The following OGFOD3 variants were observed in gnomAD, a reference collection of about 807,000 sequenced individuals.
OGFOD3 encodes the protein 2-oxoglutarate and iron-dependent oxygenase domain-containing protein 3.
OGFOD3 carries 35 observed loss-of-function variants against 39.8 expected under a neutral mutation model. The observed-to-expected ratio is 0.88, with a 90% CI of 0.67 to 1.17. The LOEUF (loss-of-function observed/expected upper bound fraction) is 1.17. Ranked by LOEUF, OGFOD3 falls within the 50% of genes most tolerant of loss-of-function variation. The probability of loss-of-function intolerance (pLI) is 0.00; values close to 1 mark genes in which losing one functional copy is unlikely to be tolerated. For missense variants in OGFOD3, 438 were observed against 454.5 expected (o/e 0.96, Z 0.33); for synonymous variants, 200 against 192.0 (o/e 1.04, Z -0.34).
Position 82,404,442 on chromosome 17 carries a change from G to T in OGFOD3, c.546-352C>A, listed in dbSNP as rs921954832. 6.6e-6 allele frequency among the ~76,000 whole-genome samples: 1 copy of T among 152,198 alleles called. No homozygotes were observed. Among genetic ancestry groups the T allele is most frequent in the Non-Finnish European group, 1.5e-5 (1 of 68,028 alleles). ...GGAGCCCAGCCTCCTATTCAGCAACGAAGAGGCTGCTGTCCCCCAACGTGA... is the reference window on the plus strand; with the variant it reads ...GGAGCCCAGCCTCCTATTCAGCAACTAAGAGGCTGCTGTCCCCCAACGTGA... On this transcript the variant is annotated intron_variant, in intron 6 of 8. Transcript: ENST00000313056. The surrounding 1 kb of genome is among the most constrained non-coding windows in gnomAD (Gnocchi z 4.5).
Position 82,406,838 on chromosome 17 carries a change from G to C in OGFOD3, c.424-356C>G, listed in dbSNP as rs971397610. On this transcript the variant is annotated intron_variant, in intron 4 of 8. Transcript: ENST00000313056. The surrounding 1 kb of genome is among the most constrained non-coding windows in gnomAD (Gnocchi z 5.2). ...GCTGGTCTCGAACTCCGGGGCTCAA[G>C]TGATCCTCCCACCTCAGCCTCCCAA... Among the ~76,000 whole-genome samples the C allele has an allele frequency of 3.3e-5, 5 of 152,244 alleles. No homozygotes were observed. Among genetic ancestry groups the C allele is most frequent in the African/African-American group, 1.2e-4 (5 of 41,560 alleles).
rs1371000426 is a variant in OGFOD3 at position 82,418,392 on chromosome 17, C to A, written c.74+20G>T. On this transcript the variant is annotated intron_variant, in intron 1 of 8. Transcript: ENST00000313056. ...CCTGTCCGCCGCCGCAGCGCGCGCC[C>A]TTCCCCTCCTCACCGCTACCTGCTC... 1 of 1,470,414 alleles carries A rather than the reference C, an allele frequency of 6.8e-7. No homozygotes were observed. Among genetic ancestry groups the A allele is most frequent in the South Asian group, 1.3e-5 (1 of 79,016 alleles). 91.1% of individuals were successfully genotyped at this position (1,470,414 alleles called of 1,614,324 possible).
At chr17:82,416,951 A>C (rs1019041995) in intron 1 of OGFOD3, among the ~76,000 whole-genome samples, 1 of 152,226 alleles carries the variant, frequency 6.6e-6, no homozygotes, top group Admixed American at 6.5e-5. Context: ...CTGCAATTAC[A>C]GGCAAGCACC....
In OGFOD3 at chr17:82,415,327, AC is replaced by A; in HGVS notation, c.304+70del. On this transcript the variant is annotated intron_variant, in intron 2 of 8. Transcript: ENST00000313056. This position sits in a 1 kb window ranked among gnomAD's most constrained non-coding sequence, Gnocchi z 5.3. ...GCATACCACATCCAACCCAATTCCC[AC>A]CCCTTCGTCGCAGCCAATGTCCTTT... 1 of 1,458,018 alleles carries A rather than the reference AC, an allele frequency of 6.9e-7. No individual in the cohort carries two copies. Among genetic ancestry groups the A allele is most frequent in the Non-Finnish European group, 9.5e-7 (1 of 1,054,936 alleles). The allele number at this position is 1,458,018 out of a possible 1,614,324, so 90.3% of individuals were successfully genotyped here. A position where few individuals can be genotyped will look rare whatever the true frequency, so the allele number is the denominator to read the frequency against.
At position 82,415,360 on chromosome 17, in the gene OGFOD3, A is replaced by G. The variant is rs1182409354; in HGVS notation, c.304+38T>C. ...GTCGCAGCCAATGTCCTTTAACCACACTGAGTCTCATTTTAAAGTGTTGCT... is the reference window on the plus strand; with the variant it reads ...GTCGCAGCCAATGTCCTTTAACCACGCTGAGTCTCATTTTAAAGTGTTGCT... On this transcript the variant is annotated intron_variant, in intron 2 of 8. Coordinates refer to ENST00000313056, the MANE Select transcript of OGFOD3 (RefSeq NM_024648.3). This position sits in a 1 kb window ranked among gnomAD's most constrained non-coding sequence, Gnocchi z 5.3. The G allele has an allele frequency of 6.3e-7, 1 of 1,585,652 alleles. No homozygotes were observed. The highest frequency in any genetic ancestry group is 1.1e-5 in the South Asian group (1 of 89,554).
intron 7 of OGFOD3, among the ~76,000 whole-genome samples, 185 bp downstream of exon 7, chr17:82,403,731 ACCACATGCGCGCTCACCCTGT>A (rs1255050854): frequency 2.0e-5 from 3 of 151,274 alleles, no homozygotes; most frequent in South Asian, 4.2e-4. Context: ...CCTCACCTTG[ACCACATGCGCGCTCACCCTGT>A]CCACATGCGC....
intron 1 of OGFOD3, among the ~76,000 whole-genome samples, chr17:82,417,017 A>G (rs2053063229): frequency 6.6e-6 from 1 of 152,162 alleles, no homozygotes; most frequent in African/African-American, 2.4e-5. Context: ...GTGCTGACAA[A>G]AACTGGTACT....
rs994770764 is a variant in OGFOD3 at position 82,392,324 on chromosome 17, G to A, written c.*74C>T. 21 of 1,514,212 alleles carry A rather than the reference G, an allele frequency of 1.4e-5. No homozygotes were observed. Among genetic ancestry groups the A allele is most frequent in the African/African-American group, 6.9e-5 (5 of 72,790 alleles). The allele number at this position is 1,514,212 out of a possible 1,614,324, so 93.8% of individuals were successfully genotyped here. On this transcript the variant is annotated 3_prime_UTR_variant, in exon 9 of 9. Transcript: ENST00000313056. The surrounding 1 kb of genome is among the most constrained non-coding windows in gnomAD (Gnocchi z 4.2). ...CTCTGTGCAACAGGAGCGGGTGGAC[G>A]TGGGGGTGGGTGCACGACTGGCGCG...
chr17:82,410,839 C>T (rs1172986702), intron 3 of OGFOD3, among the ~76,000 whole-genome samples: 1 of 151,046 alleles, frequency 6.6e-6, no homozygotes, highest in African/African-American at 2.4e-5. Flanking sequence ...CTGTCTCAGC[C>T]TCCTGAGTAG....
At chr17:82,396,324 GTAAACACATA>G (rs2052672783) in intron 8 of OGFOD3, among the ~76,000 whole-genome samples, 1 of 95,978 alleles carries the variant, frequency 1.0e-5, no homozygotes, top group Non-Finnish European at 2.6e-5. Flanking sequence ...CAAATCACAG[GTAAACACATA>G]GATACACACA....
intron 4 of OGFOD3, among the ~76,000 whole-genome samples, chr17:82,408,937 T>C (rs1003795331): frequency 6.6e-6 from 1 of 152,200 alleles, no homozygotes; most frequent in Admixed American, 6.5e-5. Flanking sequence ...GGCGTCCAGC[T>C]AGGAAGTTGC....
chr17:82,410,458 C>A (rs974090319), intron 3 of OGFOD3, among the ~76,000 whole-genome samples: 1 of 152,240 alleles, frequency 6.6e-6, no homozygotes, highest in Non-Finnish European at 1.5e-5. Flanking sequence ...TGTGCTGCCA[C>A]AAGTCATAGC....
At chr17:82,395,933 A>G (rs956542898) in intron 8 of OGFOD3, among the ~76,000 whole-genome samples, 4 of 152,232 alleles carry the variant, frequency 2.6e-5, no homozygotes, top group Non-Finnish European at 5.9e-5. Flanking sequence ...GATGTATGAC[A>G]TCAATCACGT....
At chr17:82,409,070 G>A (rs1367657241) in intron 4 of OGFOD3, among the ~76,000 whole-genome samples, 2 of 152,182 alleles carry the variant, frequency 1.3e-5, no homozygotes, top group African/African-American at 4.8e-5. Context: ...CTCCCTTGCC[G>A]GCTCCCTGCT....
chr17:82,403,799 G>A (rs886497841), intron 7 of OGFOD3, 138 bp downstream of exon 7: 7 of 1,189,460 alleles, frequency 5.9e-6, no homozygotes, highest in Admixed American at 4.1e-5. Flanking sequence ...CCCTGCCCAC[G>A]TACGCACTCA....
In OGFOD3 at chr17:82,415,491, C is replaced by A. The variant is rs746705584; in HGVS notation, c.211G>T (p.Ala71Ser). The A allele has an allele frequency of 4.3e-6, 7 of 1,613,626 alleles. No homozygotes were observed. The Admixed American group carries it at 5.0e-5, about 12-fold the overall frequency. ...TCGCCACGGCGGGCCAGGACCTCTGCGACCCCGTCGTCGGCCCCCAAGCTG... is the reference window on the plus strand; with the variant it reads ...TCGCCACGGCGGGCCAGGACCTCTGAGACCCCGTCGTCGGCCCCCAAGCTG... ...WSSLGADDGVAEVLARRGEVV... is the reference protein window; with the variant it reads ...WSSLGADDGVSEVLARRGEVV... The change falls in exon 2 of 9, where the codon GCA (alanine) becomes TCA (serine). Residue 71 changes from alanine to serine, a missense_variant. By Grantham distance (99) the Ala-to-Ser change is moderately conservative (BLOSUM62 1). Coordinates refer to ENST00000313056, the MANE Select transcript of OGFOD3 (RefSeq NM_024648.3). This position sits in a 1 kb window ranked among gnomAD's most constrained non-coding sequence, Gnocchi z 5.3.
rs772940203 is a variant in OGFOD3 at position 82,394,594 on chromosome 17, T to C, written c.824-2060A>G. On this transcript the variant is annotated intron_variant, in intron 8 of 8. Transcript: ENST00000313056. ...TGGTAAAGGGTTGACTCCAGGGGCC[T>C]GGGCGGTGCACACCCTACACCCTCC... 4.1e-6 allele frequency: 6 copies of C among 1,475,946 alleles called. No individual in the cohort carries two copies. The South Asian group carries it at 6.3e-5, about 15-fold the overall frequency. The allele number at this position is 1,475,946 out of a possible 1,614,324, so 91.4% of individuals were successfully genotyped here. A position where few individuals can be genotyped will look rare whatever the true frequency, so the allele number is the denominator to read the frequency against.
chr17:82,416,125 A>G (rs1302162423), intron 1 of OGFOD3, among the ~76,000 whole-genome samples: 1 of 152,006 alleles, frequency 6.6e-6, no homozygotes, highest in East Asian at 1.9e-4. Context: ...AGTCCCTGCT[A>G]CTCAAGAGGC....
chr17:82,396,145 G>T (rs1359151827), intron 8 of OGFOD3, among the ~76,000 whole-genome samples: 2 of 149,980 alleles, frequency 1.3e-5, no homozygotes, highest in Non-Finnish European at 2.9e-5. Context: ...GATACAATTA[G>T]ACAGATGTAC....
Sources: gnomAD v4.1 joint callset for allele counts (sites outside exome capture counted in the v4.1 genomes callset) on GRCh38, gnomAD v4.1.1 for gene constraint, Gnocchi (gnomAD v3.1) non-coding constraint, MANE v1.5 for transcripts, NCBI Gene and HGNC (gene_info 2026-07-23, HGNC 2026-07-21) for gene names.